TRDN: variants seen among roughly 807,000 people sequenced by gnomAD.
TRDN encodes the protein triadin, also known as triadin in skeletal muscle.
TRDN carries 161 observed loss-of-function variants against 149.7 expected under a neutral mutation model. That is an observed-to-expected ratio of 1.08 (90% CI 0.95 to 1.23). The LOEUF (loss-of-function observed/expected upper bound fraction) is 1.23, where lower values mean the gene tolerates loss of function less well. Ranked by LOEUF, TRDN falls within the 50% of genes most tolerant of loss-of-function variation. The pLI is 0.00. For synonymous variants in TRDN, 294 were observed against 250.5 expected (o/e 1.17, Z -1.64); for missense variants, 896 against 823.5 (o/e 1.09, Z -1.08).
At chr6:123,431,092 A>T (rs1478351264) in intron 12 of TRDN, among the ~76,000 whole-genome samples, 1 of 152,190 alleles carries the variant, frequency 6.6e-6, no homozygotes, top group Non-Finnish European at 1.5e-5. Context: ...TTGAAAATAT[A>T]CTCTCTTTCC....
Position 123,279,077 on chromosome 6 carries a change from C to G in TRDN, c.1516G>C (p.Glu506Gln). 6.2e-7 allele frequency: 1 copy of G among 1,607,170 alleles called. No individual in the cohort carries two copies. Among genetic ancestry groups the G allele is most frequent in the Non-Finnish European group, 8.5e-7 (1 of 1,177,074 alleles). ...KDEKMSKAGK[E>Q]VKPKPPQLQG... ...ATACGTGGAGGTTTAGGCTTGACTT[C>G]TTTGCCTAGAAAAAAGTAAAAAAAT... is the stretch of plus-strand genomic sequence containing the variant. Residue 506 changes from glutamate to glutamine, a missense_variant, in exon 25 of 41, where the codon GAA (glutamate) becomes CAA (glutamine). Transcript: ENST00000334268.
chr6:123,546,327 T>C (rs1781111537), intron 4 of TRDN, among the ~76,000 whole-genome samples: 1 of 152,102 alleles, frequency 6.6e-6, no homozygotes, highest in East Asian at 1.9e-4. Flanking sequence ...TTTTTTGCTG[T>C]GTAAGTTACA....
At chr6:123,604,698 T>C (rs1784443215) in intron 1 of TRDN, among the ~76,000 whole-genome samples, 1 of 152,052 alleles carries the variant, frequency 6.6e-6, no homozygotes, top group Admixed American at 6.6e-5. Context: ...CAGGAAACAG[T>C]GTCTGCAGGA....
chr6:123,520,500 A>G (rs2114279712), intron 5 of TRDN, among the ~76,000 whole-genome samples: 1 of 152,264 alleles, frequency 6.6e-6, no homozygotes, highest in East Asian at 1.9e-4. Context: ...AAATGTGCTG[A>G]CCGAATTCTC....
At chr6:123,511,210 A>G (rs149163607) in intron 7 of TRDN, among the ~76,000 whole-genome samples, 1 of 152,156 alleles carries the variant, frequency 6.6e-6, no homozygotes, top group African/African-American at 2.4e-5. Flanking sequence ...CAGTTTTCCT[A>G]GTAAAATTTA....
At position 123,560,543 on chromosome 6, in the gene TRDN, AT is replaced by A. The variant is rs532512786; in HGVS notation, c.232+10379del. On this transcript the variant is annotated intron_variant, in intron 2 of 40. Coordinates refer to ENST00000334268, the MANE Select transcript of TRDN (RefSeq NM_006073.4). Reference sequence around the variant, plus strand: ...GATCCCATCACTCAGGACAACGCTTATCCTGATAAGGTAGCTAAAAAAGCAG... The same window carrying A: ...GATCCCATCACTCAGGACAACGCTTACCTGATAAGGTAGCTAAAAAAGCAG... Among the ~76,000 whole-genome samples, 21 of 152,338 alleles carry A rather than the reference AT, an allele frequency of 1.4e-4. 1 individual carries two copies. In the South Asian group the frequency reaches 2.9e-3, roughly 21 times the overall value.
intron 28 of TRDN, 29 bp downstream of exon 28, chr6:123,273,308 T>C: frequency 9.2e-7 from 1 of 1,087,712 alleles, no homozygotes; most frequent in South Asian, 1.7e-5. Context: ...TAAGAAAGTC[T>C]AAGCATAAAA....
intron 5 of TRDN, among the ~76,000 whole-genome samples, chr6:123,527,717 A>C (rs1780021832): frequency 6.6e-6 from 1 of 151,874 alleles, no homozygotes; most frequent in African/African-American, 2.4e-5. Context: ...AAGCAAATGT[A>C]ATGTTCCGCT....
At chr6:123,535,167 G>A (rs1172894357) in intron 4 of TRDN, among the ~76,000 whole-genome samples, 1 of 152,068 alleles carries the variant, frequency 6.6e-6, no homozygotes, top group Admixed American at 6.6e-5. Flanking sequence ...AAGGGAAAAA[G>A]ACACGGAAAA....
chr6:123,585,406 A>G (rs575027415), intron 1 of TRDN, among the ~76,000 whole-genome samples: 54 of 152,158 alleles, frequency 3.5e-4, no homozygotes, highest in Middle Eastern at 6.8e-3. Flanking sequence ...GGCAAGGGAA[A>G]CAGGCCCTTG....
chr6:123,560,252 C>A (rs531865377), intron 2 of TRDN, among the ~76,000 whole-genome samples: 1 of 152,078 alleles, frequency 6.6e-6, no homozygotes, highest in Admixed American at 6.6e-5. Context: ...ACTTTCTGCC[C>A]CCTCCACTAC....
chr6:123,630,324 T>G (rs372438297), intron 1 of TRDN, among the ~76,000 whole-genome samples: 213 of 152,194 alleles, frequency 1.4e-3, no homozygotes, highest in African/African-American at 4.9e-3. Flanking sequence ...AAAGCTTTAC[T>G]GGAAAATCTT....
At chr6:123,492,299 TTAATCA>T (rs2114799688) in intron 9 of TRDN, among the ~76,000 whole-genome samples, 1 of 152,260 alleles carries the variant, frequency 6.6e-6, no homozygotes, top group African/African-American at 2.4e-5. Flanking sequence ...GTATTAAACT[TTAATCA>T]TAATAGTTAC....
rs1211510859 is a variant in TRDN at position 123,265,303 on chromosome 6, A to G, written c.1804+15T>C. Reference sequence around the variant, plus strand: ...GAAATAGGACAATTTTAAAATTCTAAAATGGTACACTTACTTGGAGTTGGT... The same window carrying G: ...GAAATAGGACAATTTTAAAATTCTAGAATGGTACACTTACTTGGAGTTGGT... On this transcript the variant is annotated intron_variant, in intron 33 of 40. Coordinates refer to ENST00000334268, the MANE Select transcript of TRDN (RefSeq NM_006073.4). 1 of 1,410,678 alleles carries G rather than the reference A, an allele frequency of 7.1e-7. No individual in the cohort carries two copies. 87.4% of individuals were successfully genotyped at this position (1,410,678 alleles called of 1,614,324 possible). A position where few individuals can be genotyped will look rare whatever the true frequency, so the allele number is the denominator to read the frequency against.
intron 1 of TRDN, among the ~76,000 whole-genome samples, chr6:123,631,422 A>G (rs1461888253): frequency 6.6e-6 from 1 of 152,062 alleles, no homozygotes; most frequent in Non-Finnish European, 1.5e-5. Flanking sequence ...GTCTCTAATT[A>G]ATGTTACCAA....
intron 12 of TRDN, among the ~76,000 whole-genome samples, chr6:123,393,945 T>G (rs1243350135): frequency 6.6e-6 from 1 of 152,192 alleles, no homozygotes; most frequent in Non-Finnish European, 1.5e-5. Context: ...AATATCACTT[T>G]GCATTTGTTG....
intron 4 of TRDN, among the ~76,000 whole-genome samples, chr6:123,532,612 T>G (rs1486650248): frequency 1.3e-5 from 2 of 151,894 alleles, no homozygotes; most frequent in Non-Finnish European, 2.9e-5. Context: ...GCCTGGCCAG[T>G]TCCCACAATC....
chr6:123,570,618 C>A (rs1782522179), intron 2 of TRDN, among the ~76,000 whole-genome samples: 2 of 152,048 alleles, frequency 1.3e-5, no homozygotes, highest in African/African-American at 2.4e-5. Flanking sequence ...AGTACCAGTT[C>A]CAAACGAAAT....
chr6:123,516,226 T>C lies in TRDN; in HGVS notation c.485-20A>G, dbSNP rs527793352. The C allele has an allele frequency of 8.2e-6, 12 of 1,462,976 alleles. No individual in the cohort carries two copies. In the East Asian group the frequency reaches 1.6e-4, roughly 19 times the overall value. The allele number at this position is 1,462,976 out of a possible 1,614,324, so 90.6% of individuals were successfully genotyped here. ...GTGTAACTGAAAAGAAACAGATAAATAGTTTTCATTTAAATAACAGGAATA... is the reference window on the plus strand; with the variant it reads ...GTGTAACTGAAAAGAAACAGATAAACAGTTTTCATTTAAATAACAGGAATA... On this transcript the variant is annotated intron_variant, in intron 5 of 40. Coordinates refer to ENST00000334268, the MANE Select transcript of TRDN (RefSeq NM_006073.4).
Sources: allele counts gnomAD v4.1 joint callset (sites outside exome capture counted in the v4.1 genomes callset), GRCh38; gene constraint gnomAD v4.1.1; transcripts MANE v1.5; gene names NCBI Gene and HGNC (gene_info 2026-07-23, HGNC 2026-07-21).